LARP4B: variants seen among roughly 807,000 people sequenced by gnomAD.
LARP4B encodes la-related protein 4B.
Under a neutral mutation model 89.8 loss-of-function variants are expected in LARP4B, and 12 were observed. The observed-to-expected ratio is 0.13, with a 90% CI of 0.09 to 0.22. The LOEUF is 0.22. Ranked by LOEUF, LARP4B falls within the 10% of genes least tolerant of loss-of-function variation. The probability of loss-of-function intolerance (pLI) is 1.00; values close to 1 mark genes in which losing one functional copy is unlikely to be tolerated. For synonymous variants in LARP4B, 367 were observed against 363.3 expected (o/e 1.01, Z -0.12); for missense variants, 757 against 947.7 (o/e 0.80, Z 2.64).
At chr10:839,190 TC>T (rs1190644164) in intron 7 of LARP4B, among the ~76,000 whole-genome samples, 2 of 152,208 alleles carry the variant, frequency 1.3e-5, no homozygotes, top group East Asian at 3.8e-4. Context: ...GTAGATAATG[TC>T]CCTATATGGT....
chr10:945,556 C>T, the LARP4B span, among the ~76,000 whole-genome samples: 69 of 151,850 alleles, frequency 4.5e-4, no homozygotes, highest in African/African-American at 1.5e-3. Context: ...GGCATGGTGG[C>T]GGGCGCCTGT....
upstream of LARP4B, chr10:931,809 C>T (rs1830627734): frequency 6.6e-6 from 1 of 151,580 alleles, no homozygotes; most frequent in African/African-American, 2.4e-5. Context: ...CGCTCAGCCC[C>T]GGGAGAGCCT....
chr10:840,290 C>T (rs1037443585), intron 7 of LARP4B, among the ~76,000 whole-genome samples: 4 of 152,110 alleles, frequency 2.6e-5, no homozygotes, highest in Non-Finnish European at 1.5e-5. Context: ...CACTTCATGC[C>T]TCGCCCAACT....
intron 5 of LARP4B, among the ~76,000 whole-genome samples, chr10:857,321 G>A (rs11253468): frequency 0.17 from 25,232 of 151,838 alleles, 2,267 homozygotes; most frequent in Non-Finnish European, 0.19. Context: ...CAAGGAGGGG[G>A]AAAAAAACTG....
intron 1 of LARP4B, among the ~76,000 whole-genome samples, chr10:901,634 AGT>A (rs1377993307): frequency 2.0e-5 from 3 of 152,150 alleles, no homozygotes; most frequent in African/African-American, 7.2e-5. Flanking sequence ...TCTTATAGTA[AGT>A]GTGTCACTCA....
At chr10:984,251 T>TG in the LARP4B span, among the ~76,000 whole-genome samples, 1 of 152,212 alleles carries the variant, frequency 6.6e-6, no homozygotes, top group Non-Finnish European at 1.5e-5. Context: ...AGTATCTTTT[T>TG]GGGTACAGCA....
intron 7 of LARP4B, among the ~76,000 whole-genome samples, chr10:842,491 T>C (rs1318908048): frequency 7.9e-5 from 12 of 152,158 alleles, no homozygotes; most frequent in African/African-American, 2.9e-4. Flanking sequence ...CCACCACACC[T>C]GGCCCACAAC....
the LARP4B span, among the ~76,000 whole-genome samples, chr10:954,231 A>G: frequency 2.0e-5 from 3 of 152,054 alleles, no homozygotes. This position sits in a 1 kb window ranked among gnomAD's most constrained non-coding sequence, Gnocchi z 5.0. Context: ...CCTGTCTTTT[A>G]TGGTGGCCTG....
chr10:870,970 A>C (rs1442431034), intron 3 of LARP4B, among the ~76,000 whole-genome samples: 2 of 152,208 alleles, frequency 1.3e-5, no homozygotes, highest in Admixed American at 1.3e-4. Flanking sequence ...GATTAGTTTC[A>C]AAATCAGCGT....
chr10:985,438 A>G, the LARP4B span: 69 of 152,254 alleles, frequency 4.5e-4, no homozygotes, highest in African/African-American at 1.6e-3. Flanking sequence ...TAAGTGAGCA[A>G]AGAGTGAAGA....
Position 865,338 on chromosome 10 carries a change from G to A in LARP4B, c.142-1068C>T, listed in dbSNP as rs17159961. ...ATGCCTGGCACATACCAAGCTCATC[G>A]GCCATCATGACAGTCACGCATGCTC... On this transcript the variant is annotated intron_variant, in intron 3 of 17. Coordinates refer to ENST00000316157, the MANE Select transcript of LARP4B (RefSeq NM_015155.3). Among the ~76,000 whole-genome samples, 616 of 152,234 alleles carry A rather than the reference G, an allele frequency of 4.0e-3. 3 individuals carry two copies. Among genetic ancestry groups the A allele is most frequent in the African/African-American group, 0.013 (530 of 41,538 alleles).
chr10:857,403 G>A (rs1367680036), intron 5 of LARP4B, among the ~76,000 whole-genome samples: 1 of 152,194 alleles, frequency 6.6e-6, no homozygotes, highest in Non-Finnish European at 1.5e-5. Context: ...GGACATGGAT[G>A]AGGATCTATC....
At chr10:843,190 GC>G (rs1833607715) in intron 6 of LARP4B, 122 bp from the exon 7 acceptor site, 2 of 861,022 alleles carry the variant, frequency 2.3e-6, no homozygotes, top group South Asian at 3.6e-5. Flanking sequence ...TTAAATCTCA[GC>G]CCAGGACCCA....
intron 14 of LARP4B, 71 bp from the exon 15 acceptor site, chr10:817,960 T>C: frequency 2.1e-6 from 3 of 1,427,684 alleles, no homozygotes; most frequent in Non-Finnish European, 2.9e-6. Flanking sequence ...TTTCCACACC[T>C]GTCTGGAAAA....
chr10:953,687 A>AC, the LARP4B span, among the ~76,000 whole-genome samples: 1 of 152,276 alleles, frequency 6.6e-6, no homozygotes, highest in Admixed American at 6.5e-5. Flanking sequence ...GCAGCCCAGA[A>AC]CCAAGTGCAT....
intron 3 of LARP4B, among the ~76,000 whole-genome samples, chr10:874,178 G>C (rs1057071496): frequency 6.6e-6 from 1 of 152,138 alleles, no homozygotes; most frequent in South Asian, 2.1e-4. Context: ...AGGTTGCAGT[G>C]AGCCAAGATT....
intron 7 of LARP4B, among the ~76,000 whole-genome samples, chr10:840,784 A>C (rs1833484438): frequency 6.6e-6 from 1 of 152,222 alleles, no homozygotes; most frequent in African/African-American, 2.4e-5. Flanking sequence ...ATTTGTAAAA[A>C]GATAAAATTA....
At chr10:868,268 G>A (rs2131862334) in intron 3 of LARP4B, among the ~76,000 whole-genome samples, 1 of 151,340 alleles carries the variant, frequency 6.6e-6, no homozygotes, top group East Asian at 2.0e-4. Context: ...TCCTACAGAT[G>A]CACTAAAAAG....
chr10:915,461 T>G (rs1313936137), intron 1 of LARP4B, among the ~76,000 whole-genome samples: 1 of 152,226 alleles, frequency 6.6e-6, no homozygotes, highest in Non-Finnish European at 1.5e-5. Context: ...TGTCGTCTTT[T>G]TAGGTCTTTT....
Sources: allele counts gnomAD v4.1 joint callset (sites outside exome capture counted in the v4.1 genomes callset), GRCh38; gene constraint gnomAD v4.1.1; non-coding constraint Gnocchi (gnomAD v3.1); transcripts MANE v1.5; gene names NCBI Gene and HGNC (gene_info 2026-07-23, HGNC 2026-07-21).